The following DNAI7 variants were observed in gnomAD, a reference collection of about 807,000 sequenced individuals.
DNAI7 encodes cancer susceptibility 1.
DNAI7 carries 78 observed loss-of-function variants against 86.6 expected under a neutral mutation model. That is an observed-to-expected ratio of 0.90 (90% CI 0.75 to 1.09). The LOEUF is 1.09. DNAI7 is among the 50% of genes least tolerant of loss of function. DNAI7 has a pLI of 0.00. For missense variants in DNAI7, 753 were observed against 810.2 expected, an observed-to-expected ratio of 0.93 and a Z score of 0.86; for synonymous variants, 274 against 273.0, an observed-to-expected ratio of 1.00 and a Z score of -0.04.
chr12:25,108,780 CAA>C lies in DNAI7; in HGVS notation c.1935_1936del (p.Asn645LysfsTer7). Reference sequence around the variant, plus strand: ...GTCACCACTAAACATTAAAAGGGCCCAATTAGGATTCTCAGTACATGCTTCAG... The same window carrying C: ...GTCACCACTAAACATTAAAAGGGCCCTTAGGATTCTCAGTACATGCTTCAG... On this transcript the variant is annotated frameshift_variant, in exon 16 of 16. Coordinates refer to ENST00000395987, the MANE Select transcript of DNAI7 (RefSeq NM_018272.5). LOFTEE classifies it low-confidence loss of function (END_TRUNC). 1 of 1,329,152 alleles carries C rather than the reference CAA, an allele frequency of 7.5e-7. No individual in the cohort carries two copies. Among genetic ancestry groups the C allele is most frequent in the East Asian group, 3.6e-5 (1 of 27,690 alleles). 82.3% of individuals were successfully genotyped at this position (1,329,152 alleles called of 1,614,324 possible).
At chr12:25,122,849 T>C (rs936548275) in intron 10 of DNAI7, among the ~76,000 whole-genome samples, 3 of 152,216 alleles carry the variant, frequency 2.0e-5, no homozygotes, top group African/African-American at 4.8e-5. Context: ...TTGGATGGAA[T>C]TATACAACTA....
In DNAI7 at chr12:25,119,349, T is replaced by G. The variant is rs747499254; in HGVS notation, c.1240-48A>C. Reference sequence around the variant, plus strand: ...CATCAAGTTAGTTGACTGGTAGCAGTGAAAAATGTAAATAGTACTGAATAA... The same window carrying G: ...CATCAAGTTAGTTGACTGGTAGCAGGGAAAAATGTAAATAGTACTGAATAA... On this transcript the variant is annotated intron_variant, in intron 11 of 15. Transcript: ENST00000395987. 6 of 1,309,226 alleles carry G rather than the reference T, an allele frequency of 4.6e-6. No individual in the cohort carries two copies. In the East Asian group the frequency reaches 1.4e-4, roughly 30 times the overall value. 81.1% of individuals were successfully genotyped at this position (1,309,226 alleles called of 1,614,324 possible).
intron 4 of DNAI7, among the ~76,000 whole-genome samples, chr12:25,155,921 A>G (rs1250359419): frequency 6.6e-6 from 1 of 152,174 alleles, no homozygotes; most frequent in Non-Finnish European, 1.5e-5. Flanking sequence ...ACCAGCCAAC[A>G]TGGTGAAACA....
intron 3 of DNAI7, among the ~76,000 whole-genome samples, chr12:25,160,399 G>A (rs750249860): frequency 6.6e-6 from 1 of 151,860 alleles, no homozygotes; most frequent in Non-Finnish European, 1.5e-5. Flanking sequence ...AACCTTTTTC[G>A]ATTACTGACT....
At chr12:25,147,483 C>CCCCG (rs765651980) in intron 7 of DNAI7, among the ~76,000 whole-genome samples, 2 of 150,246 alleles carry the variant, frequency 1.3e-5, no homozygotes, top group East Asian at 2.0e-4. Flanking sequence ...GAGACCACCC[C>CCCCG]CATCTCTACA....
At chr12:25,187,397 A>AT (rs961570464) in intron 2 of DNAI7, among the ~76,000 whole-genome samples, 2 of 151,880 alleles carry the variant, frequency 1.3e-5, no homozygotes, top group African/African-American at 4.8e-5. Context: ...CCTACCCCAC[A>AT]TTTTTTCATG....
At chr12:25,170,901 T>C (rs1178751943) in intron 2 of DNAI7, among the ~76,000 whole-genome samples, 1 of 152,158 alleles carries the variant, frequency 6.6e-6, no homozygotes, top group African/African-American at 2.4e-5. Context: ...GAAATCAAGA[T>C]GAAAATTGAA....
At chr12:25,116,908 A>C (rs762878259) in intron 12 of DNAI7, among the ~76,000 whole-genome samples, 38 of 152,170 alleles carry the variant, frequency 2.5e-4, no homozygotes, top group Admixed American at 4.6e-4. Flanking sequence ...TTATAGTTTA[A>C]TATGTAAGAA....
chr12:25,169,228 T>C (rs1490264527), intron 2 of DNAI7, among the ~76,000 whole-genome samples: 1 of 152,112 alleles, frequency 6.6e-6, no homozygotes, highest in East Asian at 1.9e-4. Flanking sequence ...AAATGGCCTG[T>C]TCCTGCCTTA....
intron 9 of DNAI7, among the ~76,000 whole-genome samples, chr12:25,126,468 G>A (rs1942149414): frequency 6.6e-6 from 1 of 152,112 alleles, no homozygotes; most frequent in Admixed American, 6.5e-5. Flanking sequence ...AGCAACCAGG[G>A]CCACTAGAAG....
intron 2 of DNAI7, among the ~76,000 whole-genome samples, chr12:25,168,769 A>AG (rs1271088628): frequency 6.6e-6 from 1 of 152,164 alleles, no homozygotes; most frequent in Non-Finnish European, 1.5e-5. Flanking sequence ...TAGATGTCCT[A>AG]GGTCCTCCCA....
Position 25,161,145 on chromosome 12 carries a change from T to C in DNAI7, c.74A>G (p.Gln25Arg). 1 of 1,613,950 alleles carries C rather than the reference T, an allele frequency of 6.2e-7. No homozygotes were observed. Among genetic ancestry groups the C allele is most frequent in the African/African-American group, 1.3e-5 (1 of 75,044 alleles). Residue 25 changes from glutamine to arginine, a missense_variant, in exon 3 of 16, where the codon CAA becomes CGA. Physicochemically the swap from Gln to Arg is conservative, Grantham distance 43 (BLOSUM62 1). Transcript: ENST00000395987. ...TTTCAGTCGTCTCTCCTCCTCCTCT[T>C]GTAGCAGCTTCAATCGTTCAGCTTT... Reference protein sequence around the residue: ...VTKAERLKLLQEEEERRLKEE... With the variant: ...VTKAERLKLLREEEERRLKEE...
rs372392477 is a variant in DNAI7, at chr12:25,180,569, T to C, written c.21+10045A>G. On this transcript the variant is annotated intron_variant, in intron 2 of 15. Coordinates refer to ENST00000395987, the MANE Select transcript of DNAI7 (RefSeq NM_018272.5). ...ACAGGCTGTAGCAACCAAAATAACA[T>C]GGTATTGGTATAAAAATAGATCAAT... Among the ~76,000 whole-genome samples the C allele has an allele frequency of 7.1e-4, 108 of 152,190 alleles. 1 individual carries two copies. In the South Asian group the frequency reaches 0.022, roughly 30 times the overall value.
intron 13 of DNAI7, among the ~76,000 whole-genome samples, chr12:25,114,186 G>A (rs548533991): frequency 6.6e-6 from 1 of 152,064 alleles, no homozygotes; most frequent in African/African-American, 2.4e-5. Flanking sequence ...GTGATTGCCC[G>A]CCTTGGCCTC....
At chr12:25,156,181 A>G (rs1592487775) in intron 4 of DNAI7, among the ~76,000 whole-genome samples, 1 of 152,136 alleles carries the variant, frequency 6.6e-6, no homozygotes, top group East Asian at 1.9e-4. Flanking sequence ...CCCTAAGTAC[A>G]TGTCTTTTTA....
chr12:25,174,436 C>G lies in DNAI7; in HGVS notation c.22-13239G>C, dbSNP rs1193374021. Among the ~76,000 whole-genome samples, 6 of 36,284 alleles carry G rather than the reference C, an allele frequency of 1.7e-4. 1 individual carries two copies. Among genetic ancestry groups the G allele is most frequent in the African/African-American group, 4.2e-4 (4 of 9,598 alleles). 23.8% of individuals were successfully genotyped at this position (36,284 alleles called of 152,430 possible). A position where few individuals can be genotyped will look rare whatever the true frequency, so the allele number is the denominator to read the frequency against. ...TATGGGATATATATATCATATATAT[C>G]ATATATATGGGATATATATATCATA... On this transcript the variant is annotated intron_variant, in intron 2 of 15. Transcript: ENST00000395987.
intron 1 of DNAI7, among the ~76,000 whole-genome samples, chr12:25,194,302 G>A (rs139490631): frequency 1.2e-3 from 177 of 152,254 alleles, no homozygotes; most frequent in African/African-American, 4.2e-3. Context: ...TAATTAATTT[G>A]TTTAATCTGT....
At chr12:25,145,126 T>C (rs1944667740) in intron 8 of DNAI7, among the ~76,000 whole-genome samples, 1 of 152,190 alleles carries the variant, frequency 6.6e-6, no homozygotes, top group South Asian at 2.1e-4. Flanking sequence ...GAATGGACTT[T>C]AAGCGGTCTA....
intron 11 of DNAI7, among the ~76,000 whole-genome samples, chr12:25,121,132 G>T (rs1192139904): frequency 6.6e-6 from 1 of 152,188 alleles, no homozygotes; most frequent in Non-Finnish European, 1.5e-5. Flanking sequence ...CAGGGTTTCG[G>T]ATTCAGTAAG....
Sources: allele counts gnomAD v4.1 joint callset (sites outside exome capture counted in the v4.1 genomes callset), GRCh38; gene constraint gnomAD v4.1.1; transcripts MANE v1.5; gene names NCBI Gene and HGNC (gene_info 2026-07-23, HGNC 2026-07-21).